Variants in KCNIP4 observed in about 807,000 individuals in gnomAD.
KCNIP4 encodes potassium voltage-gated channel interacting protein 4.
A neutral mutation model predicts 34.0 loss-of-function variants in KCNIP4; 12 were observed. That is an observed-to-expected ratio of 0.35 (90% CI 0.23 to 0.57). The LOEUF (loss-of-function observed/expected upper bound fraction) is 0.57. Among genes scored for constraint, KCNIP4 ranks in the 20% least tolerant of loss-of-function variants. The pLI is 0.83. For synonymous variants in KCNIP4, 124 were observed against 102.2 expected (o/e 1.21, Z -1.29); for missense variants, 238 against 311.7 (o/e 0.76, Z 1.78).
intron 1 of KCNIP4, among the ~76,000 whole-genome samples, chr4:21,750,858 G>T (rs1162160942): frequency 6.6e-6 from 1 of 152,052 alleles, no homozygotes; most frequent in Non-Finnish European, 1.5e-5. Context: ...AAACAATTCA[G>T]CCCTGGCCCC....
intron 1 of KCNIP4, among the ~76,000 whole-genome samples, chr4:21,633,360 T>C (rs1422252628): frequency 1.3e-5 from 2 of 152,144 alleles, no homozygotes; most frequent in Non-Finnish European, 2.9e-5. Context: ...AACCCAGTTC[T>C]AGTTGATGGG....
chr4:21,099,658 C>A (rs530346805), intron 1 of KCNIP4, among the ~76,000 whole-genome samples: 1 of 152,202 alleles, frequency 6.6e-6, no homozygotes, highest in African/African-American at 2.4e-5. Context: ...AAATAAATTT[C>A]TTAATGTTAT....
At chr4:20,967,624 C>T (rs147544751) in intron 1 of KCNIP4, among the ~76,000 whole-genome samples, 9 of 152,212 alleles carry the variant, frequency 5.9e-5, no homozygotes, top group African/African-American at 9.6e-5. Flanking sequence ...GAAATAACAC[C>T]GTATGTCTAC....
At chr4:20,958,270 G>A (rs1376041430) in intron 1 of KCNIP4, among the ~76,000 whole-genome samples, 2 of 152,182 alleles carry the variant, frequency 1.3e-5, no homozygotes, top group Admixed American at 6.5e-5. Flanking sequence ...CTCTTTCAGA[G>A]AACACAAATC....
At chr4:21,758,598 T>C (rs1042885965) in intron 1 of KCNIP4, among the ~76,000 whole-genome samples, 2 of 152,192 alleles carry the variant, frequency 1.3e-5, no homozygotes, top group Non-Finnish European at 2.9e-5. Flanking sequence ...ACATCCACAG[T>C]TGCATAAGTG....
At chr4:20,896,286 T>A (rs1726522199) in intron 1 of KCNIP4, among the ~76,000 whole-genome samples, 1 of 152,168 alleles carries the variant, frequency 6.6e-6, no homozygotes, top group East Asian at 1.9e-4. Context: ...CTGTAGGAAT[T>A]TAACTTTTTT....
chr4:21,550,255 T>C (rs1028742169), intron 1 of KCNIP4, among the ~76,000 whole-genome samples: 1 of 152,028 alleles, frequency 6.6e-6, no homozygotes, highest in East Asian at 1.9e-4. Context: ...TAATAGCCAA[T>C]GGGAGAAAGG....
chr4:20,973,789 G>A (rs1735212947), intron 1 of KCNIP4, among the ~76,000 whole-genome samples: 1 of 152,032 alleles, frequency 6.6e-6, no homozygotes, highest in South Asian at 2.1e-4. Flanking sequence ...CTGTGGAGAG[G>A]GTGAGAGACT....
chr4:21,259,847 C>A (rs1430843894), intron 1 of KCNIP4, among the ~76,000 whole-genome samples: 1 of 151,204 alleles, frequency 6.6e-6, no homozygotes, highest in Non-Finnish European at 1.5e-5. Flanking sequence ...AAAGGGAACA[C>A]TATCCTGCTG....
At chr4:21,935,870 C>A (rs1363549728) in intron 1 of KCNIP4, among the ~76,000 whole-genome samples, 1 of 151,874 alleles carries the variant, frequency 6.6e-6, no homozygotes, top group Non-Finnish European at 1.5e-5. Flanking sequence ...GATATAGGTT[C>A]TCTTCAGTGA....
chr4:21,729,639 C>T (rs1468972042), intron 1 of KCNIP4, among the ~76,000 whole-genome samples: 1 of 152,050 alleles, frequency 6.6e-6, no homozygotes, highest in Admixed American at 6.6e-5. Context: ...ATTCTAAAAG[C>T]AAAGGTATGC....
chr4:21,399,966 A>T (rs2109546655), intron 1 of KCNIP4, among the ~76,000 whole-genome samples: 1 of 152,282 alleles, frequency 6.6e-6, no homozygotes, highest in Non-Finnish European at 1.5e-5. Context: ...ACTTTCCTGG[A>T]GAGGAGAAGA....
intron 1 of KCNIP4, among the ~76,000 whole-genome samples, chr4:21,350,689 G>T (rs1487476295): frequency 6.6e-6 from 1 of 152,138 alleles, no homozygotes; most frequent in African/African-American, 2.4e-5. Flanking sequence ...GAAGTGCTAA[G>T]ATGAGGATTT....
intron 1 of KCNIP4, among the ~76,000 whole-genome samples, chr4:21,607,240 C>T (rs1326053401): frequency 2.0e-5 from 3 of 152,102 alleles, no homozygotes; most frequent in Non-Finnish European, 4.4e-5. Context: ...TCAGTTTCCT[C>T]AACTGTAAAC....
chr4:20,766,564 TCAAACAAA>T (rs138009804), intron 3 of KCNIP4, among the ~76,000 whole-genome samples: 1,535 of 152,106 alleles, frequency 0.01, 25 homozygotes, highest in African/African-American at 0.035. Context: ...AAACTCCATC[TCAAACAAA>T]CAAACAAACA....
intron 1 of KCNIP4, among the ~76,000 whole-genome samples, chr4:21,355,851 A>G (rs987252178): frequency 3.3e-5 from 5 of 152,198 alleles, no homozygotes; most frequent in African/African-American, 1.2e-4. Flanking sequence ...CACAACAAAA[A>G]AAGAGAGTTT....
chr4:21,324,933 G>A (rs535692501), intron 1 of KCNIP4, among the ~76,000 whole-genome samples: 16 of 151,770 alleles, frequency 1.1e-4, no homozygotes, highest in Non-Finnish European at 2.1e-4. Flanking sequence ...TCAATTTCTT[G>A]CATCAGTGTT....
At chr4:21,797,476 T>A (rs200730292) in intron 1 of KCNIP4, among the ~76,000 whole-genome samples, 1 of 78,616 alleles carries the variant, frequency 1.3e-5, no homozygotes, top group Non-Finnish European at 3.9e-5. Context: ...CATCAGTTTT[T>A]TTTTTTATTT....
intron 5 of KCNIP4, among the ~76,000 whole-genome samples, chr4:20,736,727 A>G (rs1749719606): frequency 6.6e-6 from 1 of 152,242 alleles, no homozygotes; most frequent in Admixed American, 6.5e-5. Context: ...AAAGAATTAT[A>G]CAACCCTTCC....
Sources: allele counts gnomAD v4.1 joint callset (sites outside exome capture counted in the v4.1 genomes callset), GRCh38; gene constraint gnomAD v4.1.1; transcripts MANE v1.5; gene names NCBI Gene and HGNC (gene_info 2026-07-23, HGNC 2026-07-21).